Variants in XAF1 observed in about 807,000 individuals in gnomAD.
XAF1 encodes XIAP associated factor 1.
Under a neutral mutation model 32.3 loss-of-function variants are expected in XAF1, and 32 were observed. The observed-to-expected ratio is 0.99, with a 90% confidence interval of 0.75 to 1.33. XAF1 has a LOEUF of 1.33. Among genes scored for constraint, XAF1 ranks in the 40% most tolerant of loss-of-function variants. The pLI is 0.00. For missense variants in XAF1, 379 were observed against 366.0 expected (o/e 1.04, Z -0.29); for synonymous variants, 120 against 125.9 (o/e 0.95, Z 0.31).
At chr17:6,759,193 T>C in intron 2 of XAF1, 1 of 1,029,756 alleles carries the variant, frequency 9.7e-7, no homozygotes, top group Non-Finnish European at 1.2e-6. Flanking sequence ...ATGTTAATCC[T>C]GCCTTTTTCA....
chr17:6,760,884 G>A (rs918117246), intron 4 of XAF1, among the ~76,000 whole-genome samples: 1 of 152,216 alleles, frequency 6.6e-6, no homozygotes. Flanking sequence ...GCTGGGCGGG[G>A]TGGCTAATGC....
intron 5 of XAF1, among the ~76,000 whole-genome samples, chr17:6,766,414 A>G (rs892526336): frequency 2.8e-4 from 42 of 152,200 alleles, no homozygotes; most frequent in African/African-American, 9.9e-4. Flanking sequence ...TCTGGTAATC[A>G]CCTTCATATG....
chr17:6,765,638 T>G (rs972413419), intron 5 of XAF1, among the ~76,000 whole-genome samples: 3 of 152,178 alleles, frequency 2.0e-5, no homozygotes, highest in African/African-American at 7.2e-5. Context: ...TGATGGCAAC[T>G]CTATCTTTCC....
At chr17:6,771,451 G>A (rs1976026731) in intron 6 of XAF1, 1 of 153,542 alleles carries the variant, frequency 6.5e-6, no homozygotes, top group Non-Finnish European at 1.4e-5. Context: ...ATCAGGGTTT[G>A]TAGGCATCTC....
intron 5 of XAF1, among the ~76,000 whole-genome samples, chr17:6,766,580 T>C (rs1335750100): frequency 6.6e-6 from 1 of 152,264 alleles, no homozygotes; most frequent in African/African-American, 2.4e-5. Flanking sequence ...ATTTCACTCA[T>C]TCTGGTTAAA....
rs765219658 is a variant in XAF1, at chr17:6,761,903, G to C, written c.422-252G>C. 7.4e-6 allele frequency: 11 copies of C among 1,484,990 alleles called. No homozygotes were observed. In the South Asian group the frequency reaches 9.7e-5, roughly 13 times the overall value. The allele number at this position is 1,484,990 out of a possible 1,614,324, so 92.0% of individuals were successfully genotyped here. A position where few individuals can be genotyped will look rare whatever the true frequency, so the allele number is the denominator to read the frequency against. ...CTCCTTAGAAACCAGTCCTGATCCAGGAAAATGTCTCTCCATTACGGTTGC... is the reference window on the plus strand; with the variant it reads ...CTCCTTAGAAACCAGTCCTGATCCACGAAAATGTCTCTCCATTACGGTTGC... On this transcript the variant is annotated intron_variant, in intron 4 of 6. Coordinates refer to ENST00000361842, the MANE Select transcript of XAF1 (RefSeq NM_017523.5).
intron 5 of XAF1, among the ~76,000 whole-genome samples, chr17:6,767,670 A>G (rs1975713209): frequency 6.6e-6 from 1 of 152,152 alleles, no homozygotes; most frequent in Admixed American, 6.5e-5. Flanking sequence ...ATCACTCTCA[A>G]TGATGTTAAC....
At position 6,772,837 on chromosome 17, in the gene XAF1, G is replaced by A. The variant is rs541599803; in HGVS notation, c.850-276G>A. The A allele has an allele frequency of 5.9e-5, 20 of 341,680 alleles. 1 individual carries two copies. In the South Asian group the frequency reaches 7.7e-4, roughly 13 times the overall value. The allele number at this position is 341,680 out of a possible 1,614,324, so 21.2% of individuals were successfully genotyped here. On this transcript the variant is annotated intron_variant, in intron 6 of 6. Coordinates refer to ENST00000361842, the MANE Select transcript of XAF1 (RefSeq NM_017523.5). ...GAAATCCCTACAAACAAAACAGTGTGGCTTATTTTTATTAATGGCTGCCTA... is the reference window on the plus strand; with the variant it reads ...GAAATCCCTACAAACAAAACAGTGTAGCTTATTTTTATTAATGGCTGCCTA...
At chr17:6,763,696 T>C (rs1975388542) in intron 5 of XAF1, among the ~76,000 whole-genome samples, 1 of 152,158 alleles carries the variant, frequency 6.6e-6, no homozygotes, top group Non-Finnish European at 1.5e-5. Flanking sequence ...TGAAGTGCAG[T>C]CTGTGGACCA....
At position 6,766,595 on chromosome 17, in the gene XAF1, T is replaced by C. The variant is rs534483870; in HGVS notation, c.508-4048T>C. ...ATTTCACTCATTCTGGTTAAATAAA[T>C]ATTCAGTATTACATTAGTATAACCA... is the stretch of plus-strand genomic sequence containing the variant. On this transcript the variant is annotated intron_variant, in intron 5 of 6. Transcript: ENST00000361842. 3.9e-5 allele frequency among the ~76,000 whole-genome samples: 6 copies of C among 152,364 alleles called. No individual in the cohort carries two copies. In the South Asian group the frequency reaches 1.0e-3, roughly 26 times the overall value.
At chr17:6,761,159 A>T (rs926737438) in intron 4 of XAF1, among the ~76,000 whole-genome samples, 1 of 152,066 alleles carries the variant, frequency 6.6e-6, no homozygotes, top group Non-Finnish European at 1.5e-5. Context: ...TGTCTCAAAA[A>T]AAAAAGGGGG....
At position 6,758,167 on chromosome 17, in the gene XAF1, T is replaced by C; in HGVS notation, c.111T>C (p.Cys37=). The C allele has an allele frequency of 8.1e-6, 13 of 1,614,248 alleles. No individual in the cohort carries two copies. The highest frequency in any genetic ancestry group is 1.1e-5 in the Non-Finnish European group (13 of 1,180,046). Residue 37 remains cysteine (C), a synonymous_variant, in exon 2 of 7, where the codon TGT becomes TGC. Coordinates refer to ENST00000361842, the MANE Select transcript of XAF1 (RefSeq NM_017523.5). ...CLRFLVLCPE[C]EEPVPKETME... is the part of the protein sequence containing the mutation. ...GGTTCCTGGTCCTGTGTCCGGAGTG[T>C]GAGGAGCCTGTCCCCAAGGAAACCA... is the stretch of plus-strand genomic sequence containing the variant.
chr17:6,758,099 G>A lies in XAF1; in HGVS notation c.43G>A (p.Val15Ile). ...FSVCRNCKRH[V>I]VSANFTLHEA... ...ACCTTGACCCTGTAGTAAAAGACAT[G>A]TAGTCTCTGCCAACTTCACCCTCCA... is the stretch of plus-strand genomic sequence containing the variant. The change falls in exon 2 of 7, where the codon GTA (valine) becomes ATA (isoleucine). Residue 15 changes from valine to isoleucine, a missense_variant. Transcript: ENST00000361842. The A allele has an allele frequency of 5.6e-6, 9 of 1,614,228 alleles. No individual in the cohort carries two copies. Among genetic ancestry groups the A allele is most frequent in the Non-Finnish European group, 7.6e-6 (9 of 1,180,040 alleles).
chr17:6,763,638 T>C (rs903241397), intron 5 of XAF1, among the ~76,000 whole-genome samples: 1 of 150,216 alleles, frequency 6.7e-6, no homozygotes, highest in Admixed American at 6.6e-5. Flanking sequence ...GTTTCTCTAC[T>C]TGTTGGTAAA....
intron 5 of XAF1, among the ~76,000 whole-genome samples, chr17:6,762,803 T>C (rs1975320877): frequency 6.6e-6 from 1 of 152,210 alleles, no homozygotes; most frequent in Non-Finnish European, 1.5e-5. Context: ...TTGCACAGAA[T>C]GGAGCATTTC....
chr17:6,762,855 TCTC>T (rs997461797), intron 5 of XAF1, among the ~76,000 whole-genome samples: 2 of 152,196 alleles, frequency 1.3e-5, no homozygotes, highest in African/African-American at 4.8e-5. Context: ...AAAGAACTCT[TCTC>T]CTTCTCCTTG....
chr17:6,755,712 T>G (rs1597704646), upstream of XAF1: 2 of 1,061,880 alleles, frequency 1.9e-6, no homozygotes, highest in Non-Finnish European at 2.3e-6. Flanking sequence ...GGGAGAAGGG[T>G]GGGAGGTGGA....
intron 2 of XAF1, chr17:6,758,696 A>G (rs1449831970): frequency 7.1e-5 from 18 of 254,012 alleles, no homozygotes; most frequent in South Asian, 4.7e-4. Flanking sequence ...GGAGTCACAG[A>G]GTGGGTCCAG....
At position 6,756,207 on chromosome 17, in the gene XAF1, G is replaced by A. The variant is rs1974640076; in HGVS notation, c.32+97G>A. The A allele has an allele frequency of 4.4e-6, 7 of 1,592,562 alleles. No individual in the cohort carries two copies. In the South Asian group the frequency reaches 6.7e-5, roughly 15 times the overall value. ...CTGAAGGGAGCAGAAAGTGGTTCCT[G>A]CATAAGAACACTTAGGAGGACAAGC... On this transcript the variant is annotated intron_variant, in intron 1 of 6. Transcript: ENST00000361842.
Sources: gnomAD v4.1 joint callset for allele counts (sites outside exome capture counted in the v4.1 genomes callset) on GRCh38, gnomAD v4.1.1 for gene constraint, MANE v1.5 for transcripts, NCBI Gene and HGNC (gene_info 2026-07-23, HGNC 2026-07-21) for gene names.